YWHAB: variants seen among roughly 807,000 people sequenced by gnomAD.
The protein encoded by YWHAB is tyrosine 3-monooxygenase/tryptophan 5-monooxygenase activation protein beta.
YWHAB carries 2 observed loss-of-function variants against 28.5 expected under a neutral mutation model. The observed-to-expected ratio is 0.07, with a 90% CI of 0.03 to 0.22. The LOEUF (loss-of-function observed/expected upper bound fraction) is 0.22, where lower values mean the gene tolerates loss of function less well. Ranked by LOEUF, YWHAB falls within the 10% of genes least tolerant of loss-of-function variation. The probability of loss-of-function intolerance (pLI) is 1.00; values close to 1 mark genes in which losing one functional copy is unlikely to be tolerated. For missense variants in YWHAB, 148 were observed against 297.1 expected, an observed-to-expected ratio of 0.50 and a Z score of 3.69; for synonymous variants, 103 against 104.7, an observed-to-expected ratio of 0.98 and a Z score of 0.10.
chr20:44,900,520 C>T (rs2066620270), intron 1 of YWHAB, among the ~76,000 whole-genome samples: 1 of 152,202 alleles, frequency 6.6e-6, no homozygotes, highest in Non-Finnish European at 1.5e-5. Context: ...TAATCTTTCC[C>T]ATCCTTCAGT....
At chr20:44,892,826 T>C (rs1352740127) in intron 1 of YWHAB, among the ~76,000 whole-genome samples, 2 of 152,240 alleles carry the variant, frequency 1.3e-5, no homozygotes, top group East Asian at 3.8e-4. Flanking sequence ...CTCAGATGTG[T>C]ATGTAAGGCT....
chr20:44,893,856 G>A (rs1236438131), intron 1 of YWHAB, among the ~76,000 whole-genome samples: 6 of 151,752 alleles, frequency 4.0e-5, no homozygotes, highest in Non-Finnish European at 7.4e-5. Flanking sequence ...ACACCACCCC[G>A]GCTAATTTTT....
chr20:44,901,400 A>G (rs1050374401), intron 1 of YWHAB, 131 bp from the exon 2 acceptor site: 8 of 929,924 alleles, frequency 8.6e-6, no homozygotes, highest in Middle Eastern at 2.7e-4. Context: ...AATATTGTTG[A>G]TGGCATTTGG....
At chr20:44,903,969 T>G in intron 2 of YWHAB, 24 bp from the exon 3 acceptor site, 1 of 1,592,268 alleles carries the variant, frequency 6.3e-7, no homozygotes, top group Non-Finnish European at 8.5e-7. Context: ...TAATTCTAAA[T>G]TCTTAACAAT....
At chr20:44,887,305 A>G (rs908158986) in intron 1 of YWHAB, 2 of 152,236 alleles carry the variant, frequency 1.3e-5, no homozygotes, top group African/African-American at 2.4e-5. Context: ...ATGGAAGGCT[A>G]ATAATCCTGT....
intron 2 of YWHAB, 76 bp from the exon 3 acceptor site, chr20:44,903,917 T>G: frequency 6.7e-7 from 1 of 1,501,390 alleles, no homozygotes; most frequent in Non-Finnish European, 9.0e-7. Context: ...GAAGCAGTAG[T>G]GTATATCTTG....
chr20:44,901,511 T>C lies in YWHAB; in HGVS notation c.-3-20T>C. On this transcript the variant is annotated intron_variant, in intron 1 of 5. Coordinates refer to ENST00000353703, the MANE Select transcript of YWHAB (RefSeq NM_139323.4). ...GAAACCTGACATTTGCTCTTTCTTT[T>C]TCTCTTGCTCTTGTTCTAGGGAATG... 1 of 1,558,568 alleles carries C rather than the reference T, an allele frequency of 6.4e-7. No homozygotes were observed. The highest frequency in any genetic ancestry group is 2.3e-5 in the East Asian group (1 of 43,948).
At chr20:44,903,919 T>C in intron 2 of YWHAB, 74 bp from the exon 3 acceptor site, 1 of 1,513,904 alleles carries the variant, frequency 6.6e-7, no homozygotes, top group Non-Finnish European at 8.9e-7. Flanking sequence ...AGCAGTAGTG[T>C]ATATCTTGAA....
At chr20:44,893,554 G>A (rs976290170) in intron 1 of YWHAB, among the ~76,000 whole-genome samples, 1 of 151,988 alleles carries the variant, frequency 6.6e-6, no homozygotes, top group African/African-American at 2.4e-5. Flanking sequence ...GTTCTTTAGG[G>A]GATATTTTAC....
intron 4 of YWHAB, 93 bp downstream of exon 4, chr20:44,905,224 C>T: frequency 2.2e-6 from 3 of 1,362,206 alleles, no homozygotes; most frequent in Non-Finnish European, 2.0e-6. Flanking sequence ...TTGTCTTGGA[C>T]TTTTTTTGAA....
At chr20:44,899,144 G>C (rs1357629611) in intron 1 of YWHAB, among the ~76,000 whole-genome samples, 2 of 151,234 alleles carry the variant, frequency 1.3e-5, no homozygotes, top group African/African-American at 4.9e-5. Context: ...GCCTTAAATT[G>C]TGATACCATG....
At chr20:44,903,829 GT>G in intron 2 of YWHAB, 163 bp from the exon 3 acceptor site, 1 of 711,644 alleles carries the variant, frequency 1.4e-6, no homozygotes, top group Admixed American at 3.5e-5. Context: ...GGCATCTGCT[GT>G]TATGACCTGG....
chr20:44,892,162 C>G (rs1018116936), intron 1 of YWHAB, among the ~76,000 whole-genome samples: 6 of 152,224 alleles, frequency 3.9e-5, no homozygotes. Context: ...GAATGCTGTT[C>G]AGAATATGTG....
chr20:44,895,452 C>T (rs1052280116), intron 1 of YWHAB, among the ~76,000 whole-genome samples: 4 of 152,082 alleles, frequency 2.6e-5, no homozygotes, highest in African/African-American at 9.7e-5. Context: ...AAAGGCAAGA[C>T]TAGAGGTAAT....
intron 1 of YWHAB, among the ~76,000 whole-genome samples, chr20:44,890,991 T>G (rs1244238373): frequency 6.6e-6 from 1 of 152,228 alleles, no homozygotes; most frequent in Non-Finnish European, 1.5e-5. Context: ...TAAGTTTCCC[T>G]TCACTGGCTG....
chr20:44,906,320 G>C, intron 5 of YWHAB, 62 bp from the exon 6 acceptor site: 1 of 1,528,294 alleles, frequency 6.5e-7, no homozygotes, highest in Non-Finnish European at 9.1e-7. Context: ...TATACATACT[G>C]GGCCACTTAC....
At chr20:44,901,179 T>G (rs1400448567) in intron 1 of YWHAB, among the ~76,000 whole-genome samples, 1 of 152,180 alleles carries the variant, frequency 6.6e-6, no homozygotes, top group East Asian at 1.9e-4. Flanking sequence ...CAGATAGATG[T>G]GAGCTGGAGT....
rs745592677 is a variant in YWHAB at position 44,906,107 on chromosome 20, C to T, written c.684+11C>T. The stretch of plus-strand genomic sequence containing the variant: ...AGGGACAATCTCACTGTAAGTACTA[C>T]TTCCACAGGGTTTATAGTCTCTTTC... On this transcript the variant is annotated intron_variant, in intron 5 of 5. Coordinates refer to ENST00000353703, the MANE Select transcript of YWHAB (RefSeq NM_139323.4). 3.1e-6 allele frequency: 5 copies of T among 1,595,552 alleles called. No homozygotes were observed. The highest frequency in any genetic ancestry group is 1.3e-5 in the African/African-American group (1 of 74,500).
chr20:44,901,432 T>C, intron 1 of YWHAB, 99 bp from the exon 2 acceptor site: 1 of 1,219,278 alleles, frequency 8.2e-7, no homozygotes, highest in South Asian at 1.5e-5. Flanking sequence ...TCACATTTAG[T>C]ATGCTGCTTT....
Sources: allele counts gnomAD v4.1 joint callset (sites outside exome capture counted in the v4.1 genomes callset), GRCh38; gene constraint gnomAD v4.1.1; transcripts MANE v1.5; gene names NCBI Gene and HGNC (gene_info 2026-07-23, HGNC 2026-07-21).